UBE2H: variants seen among roughly 807,000 people sequenced by gnomAD.
UBE2H encodes ubiquitin-conjugating enzyme E2 H.
UBE2H carries 3 observed loss-of-function variants against 29.0 expected under a neutral mutation model. The ratio of observed to expected loss-of-function variants is 0.10; its 90% CI spans 0.05 to 0.27. The LOEUF is 0.27. Among genes scored for constraint, UBE2H ranks in the 10% least tolerant of loss-of-function variants. UBE2H has a pLI of 1.00. For missense variants in UBE2H, 68 were observed against 228.2 expected, an observed-to-expected ratio of 0.30 and a Z score of 4.52; for synonymous variants, 69 against 82.9, an observed-to-expected ratio of 0.83 and a Z score of 0.91.
intron 6 of UBE2H, among the ~76,000 whole-genome samples, chr7:129,837,050 T>C (rs1805344026): frequency 6.6e-6 from 1 of 152,118 alleles, no homozygotes; most frequent in African/African-American, 2.4e-5. Context: ...CTACGGGCTA[T>C]CCAATATTTA....
intron 1 of UBE2H, among the ~76,000 whole-genome samples, chr7:129,918,054 C>T (rs1807079133): frequency 6.6e-6 from 1 of 152,142 alleles, no homozygotes; most frequent in Non-Finnish European, 1.5e-5. Flanking sequence ...ATTTGCTCTC[C>T]AAAAACTGCT....
rs962779101 is a variant in UBE2H at position 129,884,359 on chromosome 7, G to A, written c.54-3388C>T. ...ATGAACACGGGAGGTGGAGCTTGCA[G>A]TGAGCCAAGAATGTGCCACTGCATT... On this transcript the variant is annotated intron_variant, in intron 1 of 6. Coordinates refer to ENST00000355621, the MANE Select transcript of UBE2H (RefSeq NM_003344.4). Among the ~76,000 whole-genome samples, 14 of 150,334 alleles carry A rather than the reference G, an allele frequency of 9.3e-5. 1 individual carries two copies. The highest frequency in any genetic ancestry group is 3.3e-4 in the Admixed American group (5 of 15,062).
At chr7:129,945,243 T>C (rs999825039) in intron 1 of UBE2H, among the ~76,000 whole-genome samples, 1 of 152,248 alleles carries the variant, frequency 6.6e-6, no homozygotes. Context: ...ACTTTAAATA[T>C]GTACAGTTAA....
intron 5 of UBE2H, among the ~76,000 whole-genome samples, chr7:129,848,241 A>C (rs1805546439): frequency 6.6e-6 from 1 of 152,144 alleles, no homozygotes; most frequent in African/African-American, 2.4e-5. Context: ...ACAAAAAACA[A>C]AAAACACATC....
At chr7:129,937,297 T>C (rs1723727) in intron 1 of UBE2H, among the ~76,000 whole-genome samples, 146,437 of 152,214 alleles carry the variant, frequency 0.96, 70,605 homozygotes, top group East Asian at 1. Context: ...CAACTGCACT[T>C]CGGCCTGGGC....
chr7:129,906,102 T>G (rs1243585994), intron 1 of UBE2H, among the ~76,000 whole-genome samples: 2 of 152,096 alleles, frequency 1.3e-5, no homozygotes, highest in Non-Finnish European at 2.9e-5. Context: ...ATTTTTATTC[T>G]AAAAACACAT....
At chr7:129,917,423 T>C (rs895629716) in intron 1 of UBE2H, among the ~76,000 whole-genome samples, 1 of 152,146 alleles carries the variant, frequency 6.6e-6, no homozygotes, top group African/African-American at 2.4e-5. Context: ...TCCTTCTCCA[T>C]CAGCTAAACT....
At chr7:129,862,673 G>A (rs912127534) in intron 3 of UBE2H, among the ~76,000 whole-genome samples, 2 of 152,192 alleles carry the variant, frequency 1.3e-5, no homozygotes, top group African/African-American at 2.4e-5. Flanking sequence ...AAGCACATTA[G>A]GAGCTTGCCT....
At chr7:129,938,894 G>A (rs1807587432) in intron 1 of UBE2H, among the ~76,000 whole-genome samples, 1 of 151,712 alleles carries the variant, frequency 6.6e-6, no homozygotes, top group South Asian at 2.1e-4. Flanking sequence ...CACCTCCTAG[G>A]TTCAAGCAAT....
chr7:129,837,061 A>C (rs982849794), intron 6 of UBE2H, among the ~76,000 whole-genome samples: 5 of 152,136 alleles, frequency 3.3e-5, no homozygotes, highest in African/African-American at 1.2e-4. Context: ...CCAATATTTA[A>C]ACACTTTTTC....
intron 2 of UBE2H, 81 bp downstream of exon 2, chr7:129,880,814 C>T: frequency 1.5e-6 from 2 of 1,295,628 alleles, no homozygotes; most frequent in Admixed American, 2.3e-5. Context: ...ACTACGCATG[C>T]TACCATCTGT....
rs529367920 is a variant in UBE2H, at chr7:129,884,199, C to T, written c.54-3228G>A. 4.6e-5 allele frequency among the ~76,000 whole-genome samples: 7 copies of T among 152,182 alleles called. No individual in the cohort carries two copies. In the East Asian group the frequency reaches 1.2e-3, roughly 25 times the overall value. The stretch of plus-strand genomic sequence containing the variant: ...TTGGGGGGCCGATGCAGGTGGATCA[C>T]GAGGTCAGGAGATCGAGACCATCCT... On this transcript the variant is annotated intron_variant, in intron 1 of 6. Coordinates refer to ENST00000355621, the MANE Select transcript of UBE2H (RefSeq NM_003344.4).
At chr7:129,855,899 T>C (rs1378488168) in intron 5 of UBE2H, among the ~76,000 whole-genome samples, 1 of 152,132 alleles carries the variant, frequency 6.6e-6, no homozygotes, top group Non-Finnish European at 1.5e-5. Flanking sequence ...TCTGTTTCTA[T>C]GTATTAAAAA....
intron 3 of UBE2H, among the ~76,000 whole-genome samples, chr7:129,877,002 G>A (rs969086887): frequency 2.6e-5 from 4 of 152,108 alleles, no homozygotes; most frequent in Non-Finnish European, 5.9e-5. Flanking sequence ...GTCTTAAAGA[G>A]CATATTCCAG....
chr7:129,880,725 T>C (rs56022754), intron 2 of UBE2H, among the ~76,000 whole-genome samples, 170 bp downstream of exon 2: 9,527 of 152,272 alleles, frequency 0.063, 370 homozygotes, highest in Non-Finnish European at 0.092. Flanking sequence ...TATCAAGGGA[T>C]GACTGTATAT....
intron 1 of UBE2H, among the ~76,000 whole-genome samples, chr7:129,938,195 G>T (rs1010584007): frequency 1.3e-5 from 2 of 151,984 alleles, no homozygotes; most frequent in Admixed American, 1.3e-4. Context: ...AGGATTGCTT[G>T]AACTCAGGAG....
intron 1 of UBE2H, among the ~76,000 whole-genome samples, chr7:129,916,980 T>C (rs965168142): frequency 7.0e-6 from 1 of 142,040 alleles, no homozygotes; most frequent in Non-Finnish European, 1.5e-5. Flanking sequence ...GAGCTTGCAG[T>C]GAGCCGAGAT....
At chr7:129,910,613 G>A (rs1206175691) in intron 1 of UBE2H, among the ~76,000 whole-genome samples, 2 of 152,144 alleles carry the variant, frequency 1.3e-5, no homozygotes, top group Non-Finnish European at 2.9e-5. Flanking sequence ...ACAAAAAACA[G>A]TATCATGCCT....
chr7:129,891,022 G>A (rs983171015), intron 1 of UBE2H, among the ~76,000 whole-genome samples: 8 of 151,710 alleles, frequency 5.3e-5, no homozygotes, highest in African/African-American at 1.5e-4. Context: ...TGTAATCCCA[G>A]CTACTTGGGA....
Sources: allele counts gnomAD v4.1 joint callset (sites outside exome capture counted in the v4.1 genomes callset), GRCh38; gene constraint gnomAD v4.1.1; transcripts MANE v1.5; gene names NCBI Gene and HGNC (gene_info 2026-07-23, HGNC 2026-07-21).